The following GON4L variants were observed in gnomAD, a reference collection of about 807,000 sequenced individuals.
GON4L encodes the protein GON-4-like protein.
Under a neutral mutation model 211.8 loss-of-function variants are expected in GON4L, and 87 were observed. The ratio of observed to expected loss-of-function variants is 0.41; its 90% CI spans 0.35 to 0.49. The LOEUF (loss-of-function observed/expected upper bound fraction) is 0.49. GON4L is among the 20% of genes least tolerant of loss of function. The probability of loss-of-function intolerance (pLI) is 0.15; values close to 1 mark genes in which losing one functional copy is unlikely to be tolerated. For synonymous variants in GON4L, 875 were observed against 962.6 expected (o/e 0.91, Z 1.68); for missense variants, 2,155 against 2,659.5 (o/e 0.81, Z 4.17).
chr1:155,784,334 C>A, intron 13 of GON4L: 1 of 215,474 alleles, frequency 4.6e-6, no homozygotes, highest in Non-Finnish European at 8.9e-6. Flanking sequence ...GCGTGGATAA[C>A]TCAAAATTAT....
chr1:155,755,216 G>A (rs894381972), intron 27 of GON4L, among the ~76,000 whole-genome samples: 7 of 151,584 alleles, frequency 4.6e-5, no homozygotes, highest in African/African-American at 1.5e-4. Context: ...GATTACAGGC[G>A]CATGCCACTA....
At chr1:155,803,407 G>T (rs1571800439) in intron 11 of GON4L, among the ~76,000 whole-genome samples, 1 of 152,210 alleles carries the variant, frequency 6.6e-6, no homozygotes, top group Admixed American at 6.5e-5. Context: ...ACCACGCCCA[G>T]CAAATTTTTT....
At chr1:155,839,950 T>C (rs895895171) in intron 2 of GON4L, among the ~76,000 whole-genome samples, 4 of 152,244 alleles carry the variant, frequency 2.6e-5, no homozygotes, top group Admixed American at 2.6e-4. Context: ...TCAATTGTTC[T>C]ATCTCACTGC....
chr1:155,775,456 T>C (rs532497195), intron 16 of GON4L, among the ~76,000 whole-genome samples: 27 of 147,336 alleles, frequency 1.8e-4, no homozygotes, highest in African/African-American at 5.4e-4. Flanking sequence ...TGAGGACTCA[T>C]TTTTTTTTTT....
intron 6 of GON4L, among the ~76,000 whole-genome samples, chr1:155,819,857 C>T (rs1668581746): frequency 6.6e-6 from 1 of 152,118 alleles, no homozygotes; most frequent in South Asian, 2.1e-4. Context: ...ATTCCAAGGC[C>T]CTGCCCATGG....
At chr1:155,842,770 G>GT (rs1670894532) in intron 2 of GON4L, among the ~76,000 whole-genome samples, 1 of 151,890 alleles carries the variant, frequency 6.6e-6, no homozygotes, top group Admixed American at 6.6e-5. Context: ...CCGGGAGGCG[G>GT]AGGTTGCAGT....
At chr1:155,824,966 A>T (rs1669059062) in intron 3 of GON4L, among the ~76,000 whole-genome samples, 1 of 151,538 alleles carries the variant, frequency 6.6e-6, no homozygotes, top group Non-Finnish European at 1.5e-5. Context: ...TGGGCAACAT[A>T]GTGAAAACCG....
chr1:155,815,729 T>C (rs1668177396), intron 8 of GON4L, 76 bp downstream of exon 8: 1 of 854,966 alleles, frequency 1.2e-6, no homozygotes, highest in Non-Finnish European at 2.0e-6. Flanking sequence ...CAATCCTCTC[T>C]ACAAGTGACA....
intron 5 of GON4L, 59 bp from the exon 6 acceptor site, chr1:155,820,715 C>T (rs1465316293): frequency 1.6e-6 from 2 of 1,271,390 alleles, no homozygotes; most frequent in Non-Finnish European, 1.1e-6. Flanking sequence ...AGTGAGGTGG[C>T]TCATGCCTAT....
chr1:155,794,972 A>G lies in GON4L; in HGVS notation c.1747+78T>C, dbSNP rs1181705121. The G allele has an allele frequency of 3.6e-6, 3 of 835,206 alleles. No individual in the cohort carries two copies. The African/African-American group carries it at 5.0e-5, about 14-fold the overall frequency. The allele number at this position is 835,206 out of a possible 1,614,324, so 51.7% of individuals were successfully genotyped here. A position where few individuals can be genotyped will look rare whatever the true frequency, so the allele number is the denominator to read the frequency against. On this transcript the variant is annotated intron_variant, in intron 12 of 31. Transcript: ENST00000368331. ...TTAACATGGATGAGCTGCAAACTTC[A>G]CCCCTAAAAATCTACAAAGTAAACA...
intron 10 of GON4L, among the ~76,000 whole-genome samples, chr1:155,810,420 G>T (rs941341285): frequency 6.6e-6 from 1 of 152,010 alleles, no homozygotes; most frequent in African/African-American, 2.4e-5. Context: ...AAAATTTACT[G>T]GCTAAGGCCA....
chr1:155,826,693 T>A, intron 3 of GON4L, 144 bp downstream of exon 3: 1 of 650,876 alleles, frequency 1.5e-6, no homozygotes, highest in East Asian at 2.8e-5. Context: ...ACATTCTCTA[T>A]CTTGATCTGG....
chr1:155,854,976 G>A (rs1163363874), intron 1 of GON4L, among the ~76,000 whole-genome samples: 3 of 151,682 alleles, frequency 2.0e-5, no homozygotes, highest in Non-Finnish European at 4.4e-5. Context: ...AGAGGTTGCA[G>A]TGAGCCGAGA....
At chr1:155,857,300 A>T (rs561445590), upstream of GON4L, 1 of 152,494 alleles carries the variant, frequency 6.6e-6, no homozygotes, top group South Asian at 2.1e-4. Context: ...GCGCCATCCC[A>T]TTTTAGGGCA....
chr1:155,833,563 G>A (rs1349048240), intron 2 of GON4L, among the ~76,000 whole-genome samples: 3 of 146,226 alleles, frequency 2.1e-5, no homozygotes, highest in Non-Finnish European at 3.0e-5. Context: ...GAAGAATGGC[G>A]TGAACCCGGG....
intron 6 of GON4L, among the ~76,000 whole-genome samples, chr1:155,817,029 T>C (rs1327552730): frequency 3.3e-5 from 5 of 152,152 alleles, no homozygotes; most frequent in Non-Finnish European, 5.9e-5. Flanking sequence ...TCTTGCCCTG[T>C]TGCCTAGGCT....
At chr1:155,771,614 A>G (rs2101803148) in intron 18 of GON4L, among the ~76,000 whole-genome samples, 1 of 152,300 alleles carries the variant, frequency 6.6e-6, no homozygotes, top group East Asian at 1.9e-4. Flanking sequence ...CTGTGACCAC[A>G]GACGTTCACC....
intron 2 of GON4L, among the ~76,000 whole-genome samples, chr1:155,849,129 C>T (rs1276195521): frequency 1.5e-5 from 2 of 135,586 alleles, no homozygotes; most frequent in African/African-American, 6.1e-5. Context: ...GCCTAAACAA[C>T]AGAGACTCCA....
intron 12 of GON4L, among the ~76,000 whole-genome samples, chr1:155,794,315 G>T (rs561900651): frequency 6.6e-6 from 1 of 151,428 alleles, no homozygotes; most frequent in African/African-American, 2.4e-5. Context: ...CAGGTGATCT[G>T]CCTGCCTCCA....
Sources: gnomAD v4.1 joint callset for allele counts (sites outside exome capture counted in the v4.1 genomes callset) on GRCh38, gnomAD v4.1.1 for gene constraint, MANE v1.5 for transcripts, NCBI Gene and HGNC (gene_info 2026-07-23, HGNC 2026-07-21) for gene names.